Variants in SPG21 observed in about 807,000 individuals in gnomAD.
SPG21 encodes the protein maspardin.
SPG21 carries 26 observed loss-of-function variants against 38.9 expected under a neutral mutation model. That is an observed-to-expected ratio of 0.67 (90% confidence interval 0.49 to 0.93). The LOEUF is 0.93. SPG21 is among the 40% of genes least tolerant of loss of function. The probability of loss-of-function intolerance (pLI) is 0.00; values close to 1 mark genes in which losing one functional copy is unlikely to be tolerated. For synonymous variants in SPG21, 136 were observed against 128.9 expected (o/e 1.05, Z -0.37); for missense variants, 333 against 376.5 (o/e 0.88, Z 0.96).
intron 5 of SPG21, among the ~76,000 whole-genome samples, chr15:64,973,977 C>T (rs1038621330): frequency 1.7e-5 from 2 of 115,456 alleles, no homozygotes; most frequent in Admixed American, 2.1e-4. Flanking sequence ...TCAGTCAATA[C>T]ACGGAACTGT....
intron 8 of SPG21, 24 bp downstream of exon 8, chr15:64,965,296 T>C: frequency 6.2e-7 from 1 of 1,614,204 alleles, no homozygotes; most frequent in Non-Finnish European, 8.5e-7. Context: ...CTCAGAGTGC[T>C]CTGGGTTTCA....
At chr15:64,978,185 C>T (rs895700797) in intron 3 of SPG21, among the ~76,000 whole-genome samples, 3 of 151,330 alleles carry the variant, frequency 2.0e-5, no homozygotes, top group African/African-American at 4.8e-5. Flanking sequence ...TGGTGGCTCA[C>T]GCTTGCAATC....
Position 64,980,846 on chromosome 15 carries a change from T to C in SPG21, c.225+18A>G, listed in dbSNP as rs557327702. 36 of 1,613,068 alleles carry C rather than the reference T, an allele frequency of 2.2e-5. No individual in the cohort carries two copies. In the South Asian group the frequency reaches 3.0e-4, roughly 13 times the overall value. ...AACACACAAAACGTGGGTCTGAATT[T>C]TAATCAGTAATACTTACAGCGATAA... On this transcript the variant is annotated intron_variant, in intron 3 of 8. Transcript: ENST00000204566.
intron 5 of SPG21, among the ~76,000 whole-genome samples, chr15:64,970,888 T>G (rs1252161114): frequency 6.6e-6 from 1 of 152,020 alleles, no homozygotes; most frequent in Non-Finnish European, 1.5e-5. Flanking sequence ...TACAGGCACA[T>G]GCCACCACGC....
At chr15:64,974,576 A>C in intron 5 of SPG21, 26 bp downstream of exon 5, 3 of 1,614,084 alleles carry the variant, frequency 1.9e-6, no homozygotes, top group Non-Finnish European at 2.5e-6. Context: ...AATTTCACTG[A>C]ACAAAAAAAG....
intron 1 of SPG21, among the ~76,000 whole-genome samples, chr15:64,985,844 G>A (rs973917127): frequency 2.6e-5 from 4 of 152,206 alleles, no homozygotes; most frequent in African/African-American, 9.7e-5. Context: ...ACCCCGAGGA[G>A]ACAGCAGATG....
intron 7 of SPG21, among the ~76,000 whole-genome samples, chr15:64,968,076 C>T (rs990410827): frequency 7.2e-5 from 11 of 152,024 alleles, no homozygotes; most frequent in African/African-American, 1.7e-4. Flanking sequence ...ATAGGCTGGG[C>T]GTGGTGGCTC....
intron 8 of SPG21, 113 bp from the exon 9 acceptor site, chr15:64,963,849 C>T (rs774744192): frequency 1.9e-5 from 17 of 880,166 alleles, no homozygotes; most frequent in South Asian, 2.8e-5. Context: ...CTCCGCCTCC[C>T]GGGTTCACCC....
At chr15:64,967,759 C>A (rs1186050004) in intron 7 of SPG21, among the ~76,000 whole-genome samples, 3 of 152,124 alleles carry the variant, frequency 2.0e-5, no homozygotes. Context: ...GGGTGAGCCA[C>A]CGCGCCCGGC....
chr15:64,965,526 G>A (rs2085524430), intron 7 of SPG21, 66 bp from the exon 8 acceptor site: 4 of 1,600,764 alleles, frequency 2.5e-6, no homozygotes, highest in Non-Finnish European at 3.4e-6. Flanking sequence ...ACAGAAAGCT[G>A]TAATCAACTA....
intron 5 of SPG21, among the ~76,000 whole-genome samples, chr15:64,973,458 G>GTT (rs113807482): frequency 2.0e-4 from 30 of 149,050 alleles, no homozygotes; most frequent in African/African-American, 7.4e-4. Flanking sequence ...TTTTTGGTTT[G>GTT]TTTTTTTTTT....
intron 2 of SPG21, chr15:64,981,676 CTT>C (rs1346011415): frequency 6.7e-6 from 1 of 150,252 alleles, no homozygotes; most frequent in Non-Finnish European, 1.5e-5. Flanking sequence ...GATCCTGTCT[CTT>C]AAAAAAAAAA....
chr15:64,974,140 T>C (rs999546969), intron 5 of SPG21, among the ~76,000 whole-genome samples: 1 of 152,234 alleles, frequency 6.6e-6, no homozygotes, highest in African/African-American at 2.4e-5. Flanking sequence ...TTCAATTCTT[T>C]CCTTTTGCAA....
At chr15:64,987,976 G>C (rs2140458245) in intron 1 of SPG21, among the ~76,000 whole-genome samples, 1 of 152,374 alleles carries the variant, frequency 6.6e-6, no homozygotes, top group African/African-American at 2.4e-5. Context: ...AGAGGTTGCG[G>C]TGAGCCGAGA....
At chr15:64,985,498 A>G (rs898803102) in intron 1 of SPG21, among the ~76,000 whole-genome samples, 2 of 152,236 alleles carry the variant, frequency 1.3e-5, no homozygotes, top group Admixed American at 6.5e-5. Flanking sequence ...GTGCTATGTC[A>G]TAACAGGAAA....
chr15:64,989,293 A>C (rs1317361741), intron 1 of SPG21: 1 of 152,198 alleles, frequency 6.6e-6, no homozygotes, highest in East Asian at 1.9e-4. Flanking sequence ...AAAAAAAGAA[A>C]GAAAGAAAGA....
At chr15:64,976,008 A>G (rs1404143807) in intron 4 of SPG21, among the ~76,000 whole-genome samples, 1 of 152,236 alleles carries the variant, frequency 6.6e-6, no homozygotes, top group African/African-American at 2.4e-5. Context: ...TAAAAAAATT[A>G]TAAAACATTG....
At chr15:64,978,434 T>TG (rs1414485831) in intron 3 of SPG21, among the ~76,000 whole-genome samples, 1 of 151,768 alleles carries the variant, frequency 6.6e-6, no homozygotes, top group Non-Finnish European at 1.5e-5. Flanking sequence ...AGTGACAGAG[T>TG]GAGACTCCAT....
In SPG21 at chr15:64,974,689, G is replaced by A. The variant is rs753312894; in HGVS notation, c.365C>T (p.Thr122Ile). ...GGAATGGACTCTAGGAGATTTGTGA[G>A]TGTATTCAGCAAATTTCTGGGCCAA... is the stretch of plus-strand genomic sequence containing the variant. ...GFLAQKFAEY[T>I]HKSPRVHSLI... is the part of the protein sequence containing the mutation. Residue 122 changes from threonine to isoleucine, a missense_variant, in exon 5 of 9, where the codon ACT becomes ATT. Coordinates refer to ENST00000204566, the MANE Select transcript of SPG21 (RefSeq NM_016630.7). 1.9e-6 allele frequency: 3 copies of A among 1,614,178 alleles called. No individual in the cohort carries two copies. Among genetic ancestry groups the A allele is most frequent in the Non-Finnish European group, 2.5e-6 (3 of 1,180,038 alleles).
Sources: gnomAD v4.1 joint callset for allele counts (sites outside exome capture counted in the v4.1 genomes callset) on GRCh38, gnomAD v4.1.1 for gene constraint, MANE v1.5 for transcripts, NCBI Gene and HGNC (gene_info 2026-07-23, HGNC 2026-07-21) for gene names.